TSNAX: variants seen among roughly 807,000 people sequenced by gnomAD.
The protein encoded by TSNAX is translin associated factor X, also known as translin-associated protein X.
A neutral mutation model predicts 33.0 loss-of-function variants in TSNAX; 12 were observed. The observed-to-expected ratio is 0.36, with a 90% CI of 0.23 to 0.59. TSNAX has a LOEUF of 0.59. TSNAX is among the 20% of genes least tolerant of loss of function. The pLI is 0.74. For missense variants in TSNAX, 267 were observed against 341.3 expected (o/e 0.78, Z 1.72); for synonymous variants, 110 against 117.2 (o/e 0.94, Z 0.40).
intron 4 of TSNAX, among the ~76,000 whole-genome samples, chr1:231,546,241 GA>G (rs1484777024): frequency 6.6e-6 from 1 of 152,162 alleles, no homozygotes; most frequent in Non-Finnish European, 1.5e-5. Flanking sequence ...TGAAAAGAAT[GA>G]AGAACAAAAC....
chr1:231,542,740 T>C (rs1240109406), intron 4 of TSNAX, 129 bp downstream of exon 4: 5 of 1,134,368 alleles, frequency 4.4e-6, no homozygotes, highest in Non-Finnish European at 6.3e-6. Flanking sequence ...AACTGCAACT[T>C]TGTAGTAATA....
At position 231,529,717 on chromosome 1, in the gene TSNAX, A is replaced by G. The variant is rs141602888; in HGVS notation, c.121+358A>G. On this transcript the variant is annotated intron_variant, in intron 2 of 5. Transcript: ENST00000366639. The stretch of plus-strand genomic sequence containing the variant: ...TGTTTCCTCTACTAGACTTGAAGAC[A>G]GGGACGGTATCTTTGTTTTAACTGT... Among the ~76,000 whole-genome samples the G allele has an allele frequency of 2.9e-3, 448 of 152,344 alleles. 3 individuals are homozygous for G. Among genetic ancestry groups the G allele is most frequent in the African/African-American group, 0.011 (438 of 41,584 alleles).
intron 2 of TSNAX, among the ~76,000 whole-genome samples, chr1:231,532,131 A>ACACAC (rs1231238804): frequency 2.3e-5 from 2 of 85,150 alleles, no homozygotes; most frequent in Non-Finnish European, 2.1e-5. Context: ...TAGTGGTAAT[A>ACACAC]ACACACACAC....
chr1:231,531,961 T>C (rs1438391546), intron 2 of TSNAX, among the ~76,000 whole-genome samples: 1 of 151,758 alleles, frequency 6.6e-6, no homozygotes, highest in Non-Finnish European at 1.5e-5. Context: ...TCCTGGCTAC[T>C]CCGGAGGGGC....
At chr1:231,556,093 T>C (rs973650297) in intron 4 of TSNAX, among the ~76,000 whole-genome samples, 17 of 152,224 alleles carry the variant, frequency 1.1e-4, no homozygotes, top group Non-Finnish European at 2.4e-4. Context: ...GAGACAATGA[T>C]ATGGTAAAAT....
intron 3 of TSNAX, 109 bp downstream of exon 3, chr1:231,537,436 A>C: frequency 1.5e-6 from 1 of 678,314 alleles, no homozygotes; most frequent in South Asian, 2.2e-5. Flanking sequence ...TTAAGAGTTA[A>C]TATTTTAATA....
chr1:231,560,453 C>T (rs1284050022), intron 4 of TSNAX, among the ~76,000 whole-genome samples: 19 of 112,636 alleles, frequency 1.7e-4, no homozygotes, highest in South Asian at 3.3e-4. Context: ...TCGCTCTTGT[C>T]CCCCAGGCTG....
chr1:231,533,872 G>T (rs968869997), intron 2 of TSNAX, among the ~76,000 whole-genome samples: 2 of 152,104 alleles, frequency 1.3e-5, no homozygotes, highest in African/African-American at 4.8e-5. Flanking sequence ...CTATTCTGTT[G>T]TATAACTCTA....
intron 3 of TSNAX, among the ~76,000 whole-genome samples, chr1:231,542,259 AT>A (rs1659622435): frequency 6.6e-6 from 1 of 152,054 alleles, no homozygotes; most frequent in Non-Finnish European, 1.5e-5. Flanking sequence ...TATGAACAAA[AT>A]TTTTCTTATA....
chr1:231,542,897 A>G, intron 4 of TSNAX: 1 of 210,166 alleles, frequency 4.8e-6, no homozygotes, highest in Non-Finnish European at 9.6e-6. Context: ...CAGACAGGGC[A>G]CATCTCAGTG....
chr1:231,552,615 A>T (rs1660394301), intron 4 of TSNAX, among the ~76,000 whole-genome samples: 1 of 152,212 alleles, frequency 6.6e-6, no homozygotes, highest in Middle Eastern at 3.2e-3. Context: ...CACATAATTA[A>T]ATTTTAAATT....
At chr1:231,529,105 G>C in intron 1 of TSNAX, 150 bp from the exon 2 acceptor site, 3 of 804,980 alleles carry the variant, frequency 3.7e-6, no homozygotes, top group Non-Finnish European at 3.9e-6. Context: ...GAAAGGCCTG[G>C]GCAGCGTCTC....
intron 1 of TSNAX, 28 bp from the exon 2 acceptor site, chr1:231,529,227 C>G: frequency 6.2e-7 from 1 of 1,604,080 alleles, no homozygotes. Flanking sequence ...GATGGAAGAT[C>G]CCTCTCTTTT....
At chr1:231,563,623 A>G (rs1661248107) in intron 5 of TSNAX, 1 of 153,790 alleles carries the variant, frequency 6.5e-6, no homozygotes, top group Non-Finnish European at 1.5e-5. Flanking sequence ...AGACTGGAGG[A>G]TAGAAGGTAA....
At chr1:231,539,437 G>C (rs1182000402) in intron 3 of TSNAX, among the ~76,000 whole-genome samples, 1 of 152,160 alleles carries the variant, frequency 6.6e-6, no homozygotes, top group Admixed American at 6.5e-5. Flanking sequence ...TTTCCTTAGA[G>C]TGTCTTGTTG....
intron 3 of TSNAX, among the ~76,000 whole-genome samples, chr1:231,541,880 C>T (rs971560034): frequency 6.6e-5 from 10 of 152,284 alleles, no homozygotes; most frequent in African/African-American, 2.4e-4. Context: ...CTATAAATCT[C>T]TGAAGCTCTC....
chr1:231,555,671 T>C (rs1313417660), intron 4 of TSNAX, among the ~76,000 whole-genome samples: 2 of 152,354 alleles, frequency 1.3e-5, no homozygotes, highest in Admixed American at 6.5e-5. Flanking sequence ...TTAAGCAAGA[T>C]GCCATAATTC....
chr1:231,548,578 AT>A (rs1660099004), intron 4 of TSNAX, among the ~76,000 whole-genome samples: 2 of 152,328 alleles, frequency 1.3e-5, no homozygotes, highest in Admixed American at 1.3e-4. Context: ...AAGACAGTTT[AT>A]TTTTAAAAAG....
rs1315792010 is a variant in TSNAX at position 231,564,889 on chromosome 1, A to G, written c.857A>G (p.Glu286Gly). The G allele has an allele frequency of 6.2e-7, 1 of 1,613,630 alleles. No homozygotes were observed. Among genetic ancestry groups the G allele is most frequent in the Non-Finnish European group, 8.5e-7 (1 of 1,179,610 alleles). ...GTTAAAACAGAAATGATAGATCAAG[A>G]AGAGGGCATTTCTTAGAATCTAACG... is the stretch of plus-strand genomic sequence containing the variant. ...FSVKTEMIDQ[E>G]EGIS is the part of the protein sequence containing the mutation. Residue 286 changes from glutamate to glycine, a missense_variant, in exon 6 of 6, where the codon GAA becomes GGA. Physicochemically the swap from Glu to Gly is moderately conservative, Grantham distance 98. This residue lies in a region of TSNAX where 67 missense variants were observed against 127.2 expected (regional missense o/e 0.53). Transcript: ENST00000366639.
Sources: gnomAD v4.1 joint callset for allele counts (sites outside exome capture counted in the v4.1 genomes callset) on GRCh38, gnomAD v4.1.1 for gene constraint, gnomAD v4.1.1 regional missense constraint, MANE v1.5 for transcripts, NCBI Gene and HGNC (gene_info 2026-07-23, HGNC 2026-07-21) for gene names.